Variants in YME1L1 observed in about 807,000 individuals in gnomAD.
YME1L1 encodes the protein YME1 like 1 ATPase.
Under a neutral mutation model 90.4 loss-of-function variants are expected in YME1L1, and 39 were observed. The observed-to-expected ratio is 0.43, with a 90% confidence interval of 0.33 to 0.56. The LOEUF (loss-of-function observed/expected upper bound fraction) is 0.56, where lower values mean the gene tolerates loss of function less well. YME1L1 is among the 20% of genes least tolerant of loss of function. The pLI is 0.03. For missense variants in YME1L1, 617 were observed against 868.4 expected, an observed-to-expected ratio of 0.71 and a Z score of 3.64; for synonymous variants, 284 against 287.3, an observed-to-expected ratio of 0.99 and a Z score of 0.12.
At chr10:27,125,397 A>G (rs554461027) in intron 9 of YME1L1, among the ~76,000 whole-genome samples, 9 of 151,286 alleles carry the variant, frequency 5.9e-5, no homozygotes, top group East Asian at 1.9e-4. Context: ...AAAAATCATG[A>G]AAGATCCTCT....
chr10:27,135,091 C>A, intron 5 of YME1L1, 110 bp from the exon 6 acceptor site: 1 of 1,046,382 alleles, frequency 9.6e-7, no homozygotes, highest in South Asian at 1.8e-5. Context: ...TTTTTACTGT[C>A]AATGTGAAGA....
At chr10:27,125,040 C>G (rs2056903106) in intron 9 of YME1L1, among the ~76,000 whole-genome samples, 2 of 152,146 alleles carry the variant, frequency 1.3e-5, no homozygotes, top group Non-Finnish European at 2.9e-5. Context: ...CAAATAATTT[C>G]ATACACTGCT....
rs2056922857 is a variant in YME1L1, at chr10:27,126,681, GAA to G, written c.949+13_949+14del. The stretch of plus-strand genomic sequence containing the variant: ...GTTTTTTCCATCAAATCATGATAAA[GAA>G]AAGATATCTTACCTTTTGGAAGTTT... On this transcript the variant is annotated intron_variant, in intron 9 of 18. Coordinates refer to ENST00000376016, the MANE Select transcript of YME1L1 (RefSeq NM_014263.4). 1 of 1,362,096 alleles carries G rather than the reference GAA, an allele frequency of 7.3e-7. No homozygotes were observed. The highest frequency in any genetic ancestry group is 1.5e-5 in the African/African-American group (1 of 67,094). 84.4% of individuals were successfully genotyped at this position (1,362,096 alleles called of 1,614,324 possible).
chr10:27,148,875 G>A (rs1460918432), intron 2 of YME1L1, 31 bp downstream of exon 2: 15 of 1,611,180 alleles, frequency 9.3e-6, no homozygotes, highest in Non-Finnish European at 1.3e-5. Flanking sequence ...TATCAAAAAG[G>A]CTTTCTCACA....
intron 4 of YME1L1, among the ~76,000 whole-genome samples, chr10:27,141,145 A>T (rs1320999744): frequency 6.6e-6 from 1 of 152,184 alleles, no homozygotes; most frequent in Admixed American, 6.5e-5. Context: ...CTGTCATCCC[A>T]ACACTTTAGA....
At chr10:27,136,533 T>A (rs1043801898) in intron 4 of YME1L1, 148 bp from the exon 5 acceptor site, 1 of 686,126 alleles carries the variant, frequency 1.5e-6, no homozygotes, top group African/African-American at 1.8e-5. Flanking sequence ...GTTTCCTTCT[T>A]TTTTGTAGAG....
intron 8 of YME1L1, among the ~76,000 whole-genome samples, chr10:27,128,219 T>G (rs898182131): frequency 6.6e-5 from 10 of 152,148 alleles, no homozygotes; most frequent in Non-Finnish European, 1.5e-4. Context: ...CTATACAAGC[T>G]CTTTGAGATT....
intron 2 of YME1L1, chr10:27,147,146 A>G: frequency 2.0e-6 from 1 of 494,714 alleles, no homozygotes; most frequent in East Asian, 3.1e-5. Flanking sequence ...TTTGAATTTA[A>G]TTCTCTAAGT....
chr10:27,126,656 G>GT (rs761487929), intron 9 of YME1L1, 40 bp downstream of exon 9: 13 of 1,132,590 alleles, frequency 1.1e-5, no homozygotes, highest in African/African-American at 1.6e-5. Context: ...CTTTGTTTTT[G>GT]TTTTTTCCAT....
chr10:27,144,398 G>T (rs1242085019), intron 3 of YME1L1, among the ~76,000 whole-genome samples: 3 of 152,108 alleles, frequency 2.0e-5, no homozygotes, highest in African/African-American at 4.8e-5. Context: ...AAGAATTAAT[G>T]AATTAAGTTT....
At position 27,116,236 on chromosome 10, in the gene YME1L1, G is replaced by A. The variant is rs1359190886; in HGVS notation, c.1829C>T (p.Thr610Ile). ...AAGCTAACCTGTTGTAATATGGTCGGTTCCAAATATAAGCTCCTCTGCCAC... is the reference window on the plus strand; with the variant it reads ...AAGCTAACCTGTTGTAATATGGTCGATTCCAAATATAAGCTCCTCTGCCAC... Reference protein sequence around the residue: ...GRVAEELIFGTDHITTGASSD... With the variant: ...GRVAEELIFGIDHITTGASSD... Residue 610 changes from threonine (T) to isoleucine (I), a missense_variant, in exon 16 of 19, where the codon ACC becomes ATC. Coordinates refer to ENST00000376016, the MANE Select transcript of YME1L1 (RefSeq NM_014263.4). 1 of 1,613,974 alleles carries A rather than the reference G, an allele frequency of 6.2e-7. No individual in the cohort carries two copies. Among genetic ancestry groups the A allele is most frequent in the East Asian group, 2.2e-5 (1 of 44,888 alleles).
rs1487348690 is a variant in YME1L1 at position 27,112,083 on chromosome 10, T to C, written c.2045A>G (p.His682Arg). ...TGCGAGATTCTTATGCTCCTTTGCATGAGTTTTCAAGATATGTTTTGCTCG... is the reference window on the plus strand; with the variant it reads ...TGCGAGATTCTTATGCTCCTTTGCACGAGTTTTCAAGATATGTTTTGCTCG... ...YERAKHILKT[H>R]AKEHKNLAEA... Residue 682 changes from histidine (H) to arginine (R), a missense_variant, in exon 19 of 19, where the codon CAT (histidine) becomes CGT (arginine). Physicochemically the swap from His to Arg is conservative, Grantham distance 29. Transcript: ENST00000376016. 2.5e-6 allele frequency: 4 copies of C among 1,613,902 alleles called. No homozygotes were observed. In the Admixed American group the frequency reaches 6.7e-5, roughly 27 times the overall value.
At chr10:27,148,692 TA>T (rs1451759883) in intron 2 of YME1L1, among the ~76,000 whole-genome samples, 1 of 152,200 alleles carries the variant, frequency 6.6e-6, no homozygotes, top group African/African-American at 2.4e-5. Flanking sequence ...ACACAATACA[TA>T]AAATATACAA....
chr10:27,140,491 G>C (rs2057075888), intron 4 of YME1L1, among the ~76,000 whole-genome samples: 1 of 151,782 alleles, frequency 6.6e-6, no homozygotes, highest in Admixed American at 6.6e-5. Context: ...TGTCTTTTTT[G>C]TTTTTTGAGA....
intron 2 of YME1L1, chr10:27,147,798 G>C: frequency 7.6e-7 from 1 of 1,310,592 alleles, no homozygotes. Flanking sequence ...CTGGCTCCTG[G>C]CGTGCACAAT....
rs772105824 is a variant in YME1L1 at position 27,142,369 on chromosome 10, A to T, written c.430+18T>A. The T allele has an allele frequency of 7.4e-7, 1 of 1,356,250 alleles. No homozygotes were observed. The highest frequency in any genetic ancestry group is 9.8e-7 in the Non-Finnish European group (1 of 1,018,798). 84.0% of individuals were successfully genotyped at this position (1,356,250 alleles called of 1,614,324 possible). On this transcript the variant is annotated intron_variant, in intron 4 of 18. Transcript: ENST00000376016. Reference sequence around the variant, plus strand: ...ATAAATATTTTTTTTTCCACAATTTATGGTTGTTGCTTCATACCTGGCCAG... The same window carrying T: ...ATAAATATTTTTTTTTCCACAATTTTTGGTTGTTGCTTCATACCTGGCCAG...
chr10:27,128,970 C>T (rs2056948568), intron 8 of YME1L1, among the ~76,000 whole-genome samples: 1 of 150,324 alleles, frequency 6.7e-6, no homozygotes, highest in African/African-American at 2.4e-5. Context: ...CCTGTGGTCT[C>T]AGCTACAAGG....
intron 9 of YME1L1, among the ~76,000 whole-genome samples, chr10:27,123,964 T>C (rs2135855899): frequency 6.6e-6 from 1 of 151,996 alleles, no homozygotes; most frequent in Non-Finnish European, 1.5e-5. Flanking sequence ...GGCAAAAAAA[T>C]ATAAACCCAT....
At position 27,110,295 on chromosome 10, in the gene YME1L1, G is replaced by C. The variant is rs1260792289; in HGVS notation, c.*1682C>G. 1.5e-4 allele frequency: 23 copies of C among 152,206 alleles called. No homozygotes were observed. Among genetic ancestry groups the C allele is most frequent in the Admixed American group, 1.5e-3 (23 of 15,278 alleles). The allele number at this position is 152,206 out of a possible 1,614,324, so 9.4% of individuals were successfully genotyped here. ...ATAACAACTGGTAAATCTGGATGCA[G>C]GGTATATGAGACATCCATGTATTAT... On this transcript the variant is annotated 3_prime_UTR_variant, in exon 19 of 19. Transcript: ENST00000376016.
Sources: gnomAD v4.1 joint callset for allele counts (sites outside exome capture counted in the v4.1 genomes callset) on GRCh38, gnomAD v4.1.1 for gene constraint, MANE v1.5 for transcripts, NCBI Gene and HGNC (gene_info 2026-07-23, HGNC 2026-07-21) for gene names.